RBM44: variants seen among roughly 807,000 people sequenced by gnomAD.
RBM44 encodes RNA binding motif protein 44.
RBM44 carries 66 observed loss-of-function variants against 105.1 expected under a neutral mutation model. The ratio of observed to expected loss-of-function variants is 0.63; its 90% confidence interval spans 0.52 to 0.77. The LOEUF is 0.77. RBM44 is among the 30% of genes least tolerant of loss of function. The probability of loss-of-function intolerance (pLI) is 0.00; values close to 1 mark genes in which losing one functional copy is unlikely to be tolerated. For missense variants in RBM44, 1,122 were observed against 1,207.8 expected (o/e 0.93, Z 1.05); for synonymous variants, 365 against 417.6 (o/e 0.87, Z 1.54).
chr2:237,822,261 T>C (rs757314189), intron 8 of RBM44, among the ~76,000 whole-genome samples: 1 of 152,098 alleles, frequency 6.6e-6, no homozygotes, highest in Non-Finnish European at 1.5e-5. Flanking sequence ...ATTTCTTCTT[T>C]ACTGAGATGA....
chr2:237,804,865 C>T (rs765975318), intron 1 of RBM44, among the ~76,000 whole-genome samples: 2 of 152,066 alleles, frequency 1.3e-5, no homozygotes, highest in Non-Finnish European at 2.9e-5. Flanking sequence ...CATTCTTTGC[C>T]AAGGCAAACC....
intron 15 of RBM44, among the ~76,000 whole-genome samples, chr2:237,836,343 A>G (rs964855730): frequency 6.6e-5 from 10 of 152,100 alleles, no homozygotes; most frequent in Non-Finnish European, 1.3e-4. Flanking sequence ...GGGTCTTGCT[A>G]TCACCTAGGC....
intron 15 of RBM44, among the ~76,000 whole-genome samples, chr2:237,836,091 T>G (rs1286375414): frequency 6.6e-6 from 1 of 152,146 alleles, no homozygotes; most frequent in African/African-American, 2.4e-5. Flanking sequence ...TTTCACAGCT[T>G]GAGAGGAAAA....
rs1054081567 is a variant in RBM44, at chr2:237,817,595, G to A, written c.676G>A (p.Val226Ile). ...TGAATTAGGAAATTCGGGTTATGAA[G>A]TTAAATGTGCTAGCAATGTAGAAGA... ...VVELGNSGYE[V>I]KCASNVEDNR... The change falls in exon 3 of 16, where the codon GTT becomes ATT. Residue 226 changes from valine (V) to isoleucine (I), a missense_variant. Physicochemically the swap from Val to Ile is conservative, Grantham distance 29 (BLOSUM62 3). Coordinates refer to ENST00000316997, the MANE Select transcript of RBM44 (RefSeq NM_001080504.3). 1.1e-5 allele frequency: 18 copies of A among 1,612,776 alleles called. No individual in the cohort carries two copies. Among genetic ancestry groups the A allele is most frequent in the Non-Finnish European group, 1.4e-5 (17 of 1,179,410 alleles).
intron 1 of RBM44, among the ~76,000 whole-genome samples, chr2:237,808,828 AT>A (rs1258549493): frequency 2.0e-5 from 3 of 152,216 alleles, no homozygotes; most frequent in Non-Finnish European, 4.4e-5. Flanking sequence ...ATTCCATTAT[AT>A]TAAAACGCTA....
intron 10 of RBM44, among the ~76,000 whole-genome samples, chr2:237,824,794 A>G (rs1327963751): frequency 6.6e-6 from 1 of 152,086 alleles, no homozygotes; most frequent in African/African-American, 2.4e-5. Flanking sequence ...ATTGGTGTTA[A>G]TGATGAAAAC....
chr2:237,813,090 C>T (rs2150973454), intron 1 of RBM44, among the ~76,000 whole-genome samples: 1 of 152,194 alleles, frequency 6.6e-6, no homozygotes, highest in East Asian at 1.9e-4. Flanking sequence ...ACATTTTTAT[C>T]CCCCATGCCC....
chr2:237,808,096 T>C (rs2061617620), intron 1 of RBM44, among the ~76,000 whole-genome samples: 1 of 152,098 alleles, frequency 6.6e-6, no homozygotes, highest in Non-Finnish European at 1.5e-5. Context: ...AATAACTATA[T>C]TTACTGTCTT....
chr2:237,827,247 C>T lies in RBM44; in HGVS notation c.2450-3C>T. ...TTTCTGTTACATGTTTTTCTCTAAG[C>T]AGAAATGAAGAATGTTGAACCCTCA... On this transcript the variant is annotated splice_region_variant and splice_polypyrimidine_tract_variant and intron_variant, in intron 10 of 15. Transcript: ENST00000316997. 6.5e-7 allele frequency: 1 copy of T among 1,532,758 alleles called. No homozygotes were observed. The highest frequency in any genetic ancestry group is 9.0e-7 in the Non-Finnish European group (1 of 1,117,272). The allele number at this position is 1,532,758 out of a possible 1,614,324, so 94.9% of individuals were successfully genotyped here. A position where few individuals can be genotyped will look rare whatever the true frequency, so the allele number is the denominator to read the frequency against.
At chr2:237,832,684 A>T (rs1005342831) in intron 13 of RBM44, among the ~76,000 whole-genome samples, 1 of 152,162 alleles carries the variant, frequency 6.6e-6, no homozygotes, top group Admixed American at 6.5e-5. Context: ...CCTTTCTGGC[A>T]ATTTCTTGTT....
rs1361518560 is a variant in RBM44, at chr2:237,842,643, T to A, written c.*827T>A. The stretch of plus-strand genomic sequence containing the variant: ...TTTAAAAGTAATATAATATTTAAGT[T>A]GCATTTTTATTAATAGTAAGATTAA... On this transcript the variant is annotated 3_prime_UTR_variant, in exon 16 of 16. Coordinates refer to ENST00000316997, the MANE Select transcript of RBM44 (RefSeq NM_001080504.3). The A allele has an allele frequency of 6.6e-6, 1 of 152,140 alleles. No individual in the cohort carries two copies. The highest frequency in any genetic ancestry group is 1.9e-4 in the East Asian group (1 of 5,204). 9.4% of individuals were successfully genotyped at this position (152,140 alleles called of 1,614,324 possible).
chr2:237,836,056 A>G (rs964845592), intron 15 of RBM44, among the ~76,000 whole-genome samples: 2 of 152,238 alleles, frequency 1.3e-5, no homozygotes, highest in Non-Finnish European at 1.5e-5. Context: ...ACAGCCATCT[A>G]CTGAAAGAAG....
At position 237,824,031 on chromosome 2, in the gene RBM44, C is replaced by T. The variant is rs115543772; in HGVS notation, c.2321-260C>T. 3.9e-3 allele frequency among the ~76,000 whole-genome samples: 594 copies of T among 152,052 alleles called. 6 individuals carry two copies. The highest frequency in any genetic ancestry group is 0.014 in the African/African-American group (562 of 41,496). ...CCAAAAATTAAGGGTTTCAATAAGC[C>T]GGGAATAGTGTTTTAATTAAAGGAA... On this transcript the variant is annotated intron_variant, in intron 9 of 15. Coordinates refer to ENST00000316997, the MANE Select transcript of RBM44 (RefSeq NM_001080504.3).
chr2:237,813,716 T>C, intron 2 of RBM44, 34 bp downstream of exon 2: 1 of 1,359,204 alleles, frequency 7.4e-7, no homozygotes, highest in East Asian at 2.3e-5. Flanking sequence ...TTATTCTTGG[T>C]GGGGAAGGGT....
In RBM44 at chr2:237,820,298, C is replaced by T. The variant is rs2061771193; in HGVS notation, c.1860C>T (p.Arg620=). ...ATGTTCACTATCAGATGTGTCGTCG[C>T]CATTGTTGTGATATTTACAAACTTG... ...LLNVHYQMCR[R]HCCDIYKLVM... The change falls in exon 5 of 16, where the codon CGC becomes CGT. Residue 620 remains arginine (R), a synonymous_variant. Coordinates refer to ENST00000316997, the MANE Select transcript of RBM44 (RefSeq NM_001080504.3). The T allele has an allele frequency of 6.2e-7, 1 of 1,601,442 alleles. No homozygotes were observed. Among genetic ancestry groups the T allele is most frequent in the African/African-American group, 1.3e-5 (1 of 74,214 alleles).
chr2:237,831,070 C>T (rs2061898114), intron 13 of RBM44, among the ~76,000 whole-genome samples: 1 of 151,848 alleles, frequency 6.6e-6, no homozygotes, highest in Non-Finnish European at 1.5e-5. Flanking sequence ...TTATCCAGTC[C>T]TTTCCTCATT....
intron 1 of RBM44, among the ~76,000 whole-genome samples, chr2:237,800,621 A>G (rs1445075035): frequency 1.3e-5 from 2 of 152,164 alleles, no homozygotes; most frequent in African/African-American, 4.8e-5. Flanking sequence ...TGTATTTTCT[A>G]TGAATAAATT....
chr2:237,812,138 G>C (rs1163567106), intron 1 of RBM44, among the ~76,000 whole-genome samples: 1 of 152,206 alleles, frequency 6.6e-6, no homozygotes, highest in Non-Finnish European at 1.5e-5. Context: ...TTACAGGCGT[G>C]AGCCACTGCG....
intron 1 of RBM44, among the ~76,000 whole-genome samples, chr2:237,811,171 A>G (rs2061654566): frequency 6.6e-6 from 1 of 152,208 alleles, no homozygotes; most frequent in Non-Finnish European, 1.5e-5. Flanking sequence ...TATTTAAAGT[A>G]TAAACCTCTC....
Sources: gnomAD v4.1 joint callset for allele counts (sites outside exome capture counted in the v4.1 genomes callset) on GRCh38, gnomAD v4.1.1 for gene constraint, MANE v1.5 for transcripts, NCBI Gene and HGNC (gene_info 2026-07-23, HGNC 2026-07-21) for gene names.